COL10A1: variants seen among roughly 807,000 people sequenced by gnomAD.
COL10A1 encodes the protein collagen type X alpha 1 chain.
Under a neutral mutation model 18.2 loss-of-function variants are expected in COL10A1, and 10 were observed. The ratio of observed to expected loss-of-function variants is 0.55; its 90% CI spans 0.34 to 0.93. COL10A1 has a LOEUF of 0.93. Ranked by LOEUF, COL10A1 falls within the 40% of genes least tolerant of loss-of-function variation. The pLI is 0.02. For synonymous variants in COL10A1, 330 were observed against 316.6 expected (o/e 1.04, Z -0.45); for missense variants, 897 against 853.5 (o/e 1.05, Z -0.64).
upstream of COL10A1, among the ~76,000 whole-genome samples, chr6:116,161,894 A>T (rs149084131): frequency 6.6e-6 from 1 of 152,088 alleles, no homozygotes; most frequent in East Asian, 1.9e-4. Context: ...TGTGTCATCT[A>T]CAGTTTCATT....
At chr6:116,169,984 G>A in the COL10A1 span, among the ~76,000 whole-genome samples, 1 of 152,174 alleles carries the variant, frequency 6.6e-6, no homozygotes, top group Non-Finnish European at 1.5e-5. Context: ...AAGAGAATTA[G>A]TCACCTGTTG....
the COL10A1 span, among the ~76,000 whole-genome samples, chr6:116,196,755 G>T: frequency 6.6e-6 from 1 of 151,844 alleles, no homozygotes; most frequent in Admixed American, 6.6e-5. Flanking sequence ...TGTTGGGAAT[G>T]CTGGCTCACT....
upstream of COL10A1, among the ~76,000 whole-genome samples, chr6:116,163,693 T>G (rs1780398868): frequency 6.6e-6 from 1 of 152,176 alleles, no homozygotes; most frequent in South Asian, 2.1e-4. Flanking sequence ...TTCTAGTTTG[T>G]TAGGTACATC....
the COL10A1 span, among the ~76,000 whole-genome samples, chr6:116,203,713 A>T: frequency 6.6e-6 from 1 of 151,874 alleles, no homozygotes; most frequent in Non-Finnish European, 1.5e-5. Context: ...GCCTATTTAC[A>T]TGTTACCCTT....
chr6:116,148,668 C>T (rs1779957028), intron 1 of COL10A1, among the ~76,000 whole-genome samples: 1 of 152,068 alleles, frequency 6.6e-6, no homozygotes, highest in Non-Finnish European at 1.5e-5. Flanking sequence ...GTTTATATAA[C>T]AACGTCATTA....
At chr6:116,170,330 G>C in the COL10A1 span, among the ~76,000 whole-genome samples, 1 of 151,972 alleles carries the variant, frequency 6.6e-6, no homozygotes, top group Non-Finnish European at 1.5e-5. Flanking sequence ...CAAAAGAAAG[G>C]GTTCATAGAG....
At chr6:116,170,056 C>T in the COL10A1 span, among the ~76,000 whole-genome samples, 9 of 152,078 alleles carry the variant, frequency 5.9e-5, no homozygotes, top group South Asian at 2.1e-4. Context: ...GAGCCATAAG[C>T]GACATTGTCC....
chr6:116,209,013 T>C, the COL10A1 span, among the ~76,000 whole-genome samples: 1 of 152,040 alleles, frequency 6.6e-6, no homozygotes, highest in Non-Finnish European at 1.5e-5. Context: ...TTTTGTAATA[T>C]TCACTCTGCT....
chr6:116,162,055 G>A (rs1371873932), upstream of COL10A1, among the ~76,000 whole-genome samples: 1 of 152,044 alleles, frequency 6.6e-6, no homozygotes, highest in African/African-American at 2.4e-5. Context: ...ATGAGATTGA[G>A]TTTTTTATTT....
chr6:116,184,384 G>GT, the COL10A1 span, among the ~76,000 whole-genome samples: 1 of 151,922 alleles, frequency 6.6e-6, no homozygotes, highest in Non-Finnish European at 1.5e-5. Flanking sequence ...TCCTTTCCTG[G>GT]TTTTGGTATT....
chr6:116,133,990 A>G (rs1258840286), intron 1 of COL10A1, among the ~76,000 whole-genome samples: 3 of 152,216 alleles, frequency 2.0e-5, no homozygotes, highest in African/African-American at 7.2e-5. Context: ...TTATGAGTCA[A>G]AAATAACTCT....
intron 1 of COL10A1, among the ~76,000 whole-genome samples, chr6:116,147,553 A>C (rs1449448476): frequency 6.6e-6 from 1 of 152,230 alleles, no homozygotes; most frequent in Non-Finnish European, 1.5e-5. Context: ...GTTCATTTTA[A>C]AAAGTATTTA....
chr6:116,140,603 G>C (rs1174144563), intron 1 of COL10A1, among the ~76,000 whole-genome samples: 2 of 152,046 alleles, frequency 1.3e-5, no homozygotes, highest in Admixed American at 6.5e-5. Context: ...GGCATTCCCT[G>C]TGTTTCCTCA....
chr6:116,123,089 A>T (rs1779184112), intron 2 of COL10A1, among the ~76,000 whole-genome samples: 1 of 152,244 alleles, frequency 6.6e-6, no homozygotes, highest in Non-Finnish European at 1.5e-5. Context: ...TGGATTTTTT[A>T]AAATGCCAAC....
chr6:116,130,197 A>G (rs1343134925), upstream of COL10A1, among the ~76,000 whole-genome samples: 1 of 152,198 alleles, frequency 6.6e-6, no homozygotes, highest in African/African-American at 2.4e-5. Flanking sequence ...TACAGTGTGT[A>G]TAGAAAAAGC....
the COL10A1 span, among the ~76,000 whole-genome samples, chr6:116,173,703 C>T: frequency 6.6e-6 from 1 of 151,966 alleles, no homozygotes; most frequent in South Asian, 2.1e-4. Context: ...GTCTTATACA[C>T]TTTGTTTTGG....
the COL10A1 span, among the ~76,000 whole-genome samples, chr6:116,192,783 T>C: frequency 1.3e-5 from 2 of 152,048 alleles, no homozygotes; most frequent in African/African-American, 4.8e-5. Context: ...ACATTTCCTC[T>C]ATTACGATTT....
chr6:116,197,437 G>A, the COL10A1 span, among the ~76,000 whole-genome samples: 1 of 151,972 alleles, frequency 6.6e-6, no homozygotes, highest in Non-Finnish European at 1.5e-5. Context: ...AAGATACTGG[G>A]AAGAATCTTC....
At chr6:116,162,969 TACAAAAA>T (rs1780371020), upstream of COL10A1, among the ~76,000 whole-genome samples, 1 of 151,476 alleles carries the variant, frequency 6.6e-6, no homozygotes, top group African/African-American at 2.4e-5. Context: ...CTACTAAATA[TACAAAAA>T]ATTAGCCAGG....
Sources: allele counts gnomAD v4.1 joint callset (sites outside exome capture counted in the v4.1 genomes callset), GRCh38; gene constraint gnomAD v4.1.1; transcripts MANE v1.5; gene names NCBI Gene and HGNC (gene_info 2026-07-23, HGNC 2026-07-21).